PDE4D: variants seen among roughly 807,000 people sequenced by gnomAD.
PDE4D encodes phosphodiesterase 4D, also known as 3',5'-cyclic-AMP phosphodiesterase 4D.
PDE4D carries 24 observed loss-of-function variants against 87.4 expected under a neutral mutation model. The observed-to-expected ratio is 0.27, with a 90% CI of 0.20 to 0.39. PDE4D has a LOEUF of 0.39. PDE4D is among the 10% of genes least tolerant of loss of function. The pLI, the probability that PDE4D is intolerant of heterozygous loss-of-function variation, is 1.00. For synonymous variants in PDE4D, 384 were observed against 383.2 expected (o/e 1.00, Z -0.02); for missense variants, 714 against 1,041.0 (o/e 0.69, Z 4.32).
In PDE4D at chr5:59,236,331, T is replaced by C. The variant is rs75782217; in HGVS notation, c.456-20363A>G. 5.9e-5 allele frequency among the ~76,000 whole-genome samples: 9 copies of C among 152,324 alleles called. No homozygotes were observed. The East Asian group carries it at 1.5e-3, about 26-fold the overall frequency. ...TGATTTTGGCAAGCCTCTTGACTTC[T>C]CTGGGACTTAGCTATTTCATCAATG... On this transcript the variant is annotated intron_variant, in intron 1 of 14. Coordinates refer to ENST00000340635, the MANE Select transcript of PDE4D (RefSeq NM_001104631.2).
At chr5:58,977,618 C>G (rs1744113452) in intron 11 of PDE4D, among the ~76,000 whole-genome samples, 1 of 152,148 alleles carries the variant, frequency 6.6e-6, no homozygotes, top group South Asian at 2.1e-4. Flanking sequence ...AGAATTGGAT[C>G]TTTAACCTCT....
intron 1 of PDE4D, among the ~76,000 whole-genome samples, chr5:59,536,551 C>T (rs1484094939): frequency 7.3e-6 from 1 of 137,604 alleles, no homozygotes; most frequent in African/African-American, 2.8e-5. Context: ...CTTTTGGCTA[C>T]TTTTAAAGAT....
chr5:60,227,580 G>A (rs907349560), intron 1 of PDE4D, among the ~76,000 whole-genome samples: 32 of 128,000 alleles, frequency 2.5e-4, no homozygotes, highest in African/African-American at 9.1e-4. Context: ...AGGAGGAGAG[G>A]AAAGGAGGAA....
At chr5:59,754,260 G>A (rs539189870) in intron 1 of PDE4D, among the ~76,000 whole-genome samples, 37 of 152,266 alleles carry the variant, frequency 2.4e-4, no homozygotes, top group African/African-American at 8.7e-4. Flanking sequence ...AACCCAGGAG[G>A]CAGAGGTTGC....
rs1339724701 is a variant in PDE4D at position 59,621,028 on chromosome 5, C to T, written c.455+272140G>A. On this transcript the variant is annotated intron_variant, in intron 1 of 14. Transcript: ENST00000340635. Reference sequence around the variant, plus strand: ...ATTTCCTCTTTTTTTTTTGTGGCCCCCTAGAGTAGGAGTATAAATAAATCC... The same window carrying T: ...ATTTCCTCTTTTTTTTTTGTGGCCCTCTAGAGTAGGAGTATAAATAAATCC... 2.6e-5 allele frequency among the ~76,000 whole-genome samples: 4 copies of T among 151,642 alleles called. No individual in the cohort carries two copies. The South Asian group carries it at 6.2e-4, about 24-fold the overall frequency.
chr5:60,261,173 A>C (rs1583240527), intron 1 of PDE4D, among the ~76,000 whole-genome samples: 1 of 152,166 alleles, frequency 6.6e-6, no homozygotes, highest in African/African-American at 2.4e-5. Flanking sequence ...TACAGCTAAA[A>C]TATGGTTTAG....
chr5:59,532,190 C>T (rs368128405), intron 1 of PDE4D, among the ~76,000 whole-genome samples: 15 of 152,008 alleles, frequency 9.9e-5, no homozygotes, highest in Non-Finnish European at 1.3e-4. Context: ...GCTAGAGTGC[C>T]GTGGCGTTAT....
chr5:59,565,283 C>T (rs1583145823), intron 1 of PDE4D, among the ~76,000 whole-genome samples: 1 of 152,106 alleles, frequency 6.6e-6, no homozygotes, highest in Non-Finnish European at 1.5e-5. Flanking sequence ...TTTTGGGAGG[C>T]TGAACCAGGA....
intron 2 of PDE4D, among the ~76,000 whole-genome samples, chr5:60,110,537 T>G (rs576365299): frequency 2.6e-5 from 4 of 152,236 alleles, no homozygotes; most frequent in African/African-American, 7.2e-5. Context: ...AAGGCAACTT[T>G]TATACATTGT....
At chr5:59,132,893 A>C (rs28539646) in intron 5 of PDE4D, among the ~76,000 whole-genome samples, 15,590 of 152,266 alleles carry the variant, frequency 0.1, 1,080 homozygotes, top group Non-Finnish European at 0.15. Flanking sequence ...ACAAGTCAAC[A>C]CTGTTCTGCT....
intron 1 of PDE4D, among the ~76,000 whole-genome samples, chr5:60,329,249 G>T (rs763844484): frequency 2.6e-5 from 4 of 152,128 alleles, no homozygotes; most frequent in African/African-American, 9.7e-5. Flanking sequence ...AATCATGGGT[G>T]GGGGGTTACT....
At chr5:59,499,967 C>A (rs1438703407) in intron 1 of PDE4D, among the ~76,000 whole-genome samples, 2 of 151,512 alleles carry the variant, frequency 1.3e-5, no homozygotes, top group Non-Finnish European at 2.9e-5. Context: ...GACACAACAA[C>A]AAAAACCCTA....
intron 2 of PDE4D, among the ~76,000 whole-genome samples, chr5:60,091,809 T>G (rs1775143822): frequency 6.6e-6 from 1 of 151,854 alleles, no homozygotes; most frequent in African/African-American, 2.4e-5. Flanking sequence ...TCCCAGCACT[T>G]TGGGAGGCCG....
intron 2 of PDE4D, among the ~76,000 whole-genome samples, chr5:60,038,603 A>C (rs1005203263): frequency 6.6e-6 from 1 of 152,212 alleles, no homozygotes. Flanking sequence ...GCTCTTTTTT[A>C]GTTCCATATA....
chr5:59,827,277 G>T (rs553699477), intron 1 of PDE4D, among the ~76,000 whole-genome samples: 4 of 152,096 alleles, frequency 2.6e-5, no homozygotes, highest in Non-Finnish European at 4.4e-5. Context: ...ACAAGCAGAA[G>T]TAGTCTATGA....
At chr5:59,582,486 C>T (rs569460772) in intron 1 of PDE4D, among the ~76,000 whole-genome samples, 10 of 152,174 alleles carry the variant, frequency 6.6e-5, no homozygotes, top group African/African-American at 1.7e-4. Flanking sequence ...TCTCTGAATA[C>T]GTATTCATTA....
rs1297641461 is a variant in PDE4D, at chr5:58,969,492, T to A, written c.*5172A>T. Reference sequence around the variant, plus strand: ...CTCTTCCTGTCAACTTTTTCCCTAGTTACCTCTTACAATCCTTCAGAACTC... The same window carrying A: ...CTCTTCCTGTCAACTTTTTCCCTAGATACCTCTTACAATCCTTCAGAACTC... On this transcript the variant is annotated 3_prime_UTR_variant, in exon 15 of 15. Transcript: ENST00000340635. The A allele has an allele frequency of 1.3e-5, 2 of 152,190 alleles. No homozygotes were observed. The highest frequency in any genetic ancestry group is 2.9e-5 in the Non-Finnish European group (2 of 68,052). 9.4% of individuals were successfully genotyped at this position (152,190 alleles called of 1,614,324 possible).
intron 5 of PDE4D, among the ~76,000 whole-genome samples, chr5:59,109,894 G>A (rs1261739050): frequency 6.6e-6 from 1 of 152,128 alleles, no homozygotes; most frequent in East Asian, 1.9e-4. Context: ...CCATTAGAAT[G>A]AGGGTGGTTG....
At position 59,169,638 on chromosome 5, in the gene PDE4D, C is replaced by T. The variant is rs946393162; in HGVS notation, c.808+10957G>A. Among the ~76,000 whole-genome samples, 3 of 152,246 alleles carry T rather than the reference C, an allele frequency of 2.0e-5. No homozygotes were observed. In the East Asian group the frequency reaches 5.8e-4, roughly 29 times the overall value. On this transcript the variant is annotated intron_variant, in intron 5 of 14. Coordinates refer to ENST00000340635, the MANE Select transcript of PDE4D (RefSeq NM_001104631.2). The stretch of plus-strand genomic sequence containing the variant: ...ATGATCGTGCTTATCCTGGGCTGCA[C>T]TGTTTGTTAGATGAGGGTGTGGGTG...
Sources: allele counts gnomAD v4.1 joint callset (sites outside exome capture counted in the v4.1 genomes callset), GRCh38; gene constraint gnomAD v4.1.1; transcripts MANE v1.5; gene names NCBI Gene and HGNC (gene_info 2026-07-23, HGNC 2026-07-21).